MCU: variants seen among roughly 807,000 people sequenced by gnomAD.
MCU encodes mitochondrial calcium uniporter.
A neutral mutation model predicts 45.2 loss-of-function variants in MCU; 12 were observed. That is an observed-to-expected ratio of 0.27 (90% CI 0.17 to 0.43). MCU has a LOEUF of 0.43. MCU is among the 20% of genes least tolerant of loss of function. MCU has a pLI of 1.00. For missense variants in MCU, 324 were observed against 436.7 expected (o/e 0.74, Z 2.30); for synonymous variants, 160 against 165.1 (o/e 0.97, Z 0.24).
At chr10:72,733,095 T>C (rs1843197676) in intron 1 of MCU, among the ~76,000 whole-genome samples, 1 of 152,250 alleles carries the variant, frequency 6.6e-6, no homozygotes, top group Non-Finnish European at 1.5e-5. Flanking sequence ...CATTTCCTCC[T>C]TGAGTGACCT....
At chr10:72,849,220 G>A (rs770970107) in intron 2 of MCU, among the ~76,000 whole-genome samples, 2 of 149,642 alleles carry the variant, frequency 1.3e-5, no homozygotes, top group African/African-American at 2.5e-5. Context: ...GGCGCAGGTT[G>A]CCGTGAGCTG....
chr10:72,702,000 G>T (rs1842764488), intron 1 of MCU, among the ~76,000 whole-genome samples: 1 of 151,960 alleles, frequency 6.6e-6, no homozygotes, highest in Non-Finnish European at 1.5e-5. Flanking sequence ...AGCCTTTTGG[G>T]ATACTGAGAT....
At chr10:72,841,025 T>C (rs1845039888) in intron 2 of MCU, among the ~76,000 whole-genome samples, 1 of 152,206 alleles carries the variant, frequency 6.6e-6, no homozygotes, top group African/African-American at 2.4e-5. Context: ...TCAGATCCAC[T>C]TCAGGATTGT....
In MCU at chr10:72,868,764, A is replaced by G. The variant is rs747785506; in HGVS notation, c.558A>G (p.Leu186=). Reference sequence around the variant, plus strand: ...ATGTAAAGACATTGGTCCAGCAACTATACACCACACTGTGCATTGAGCAGC... The same window carrying G: ...ATGTAAAGACATTGGTCCAGCAACTGTACACCACACTGTGCATTGAGCAGC... The part of the protein sequence containing the change: ...LNDVKTLVQQ[L]YTTLCIEQHQ... The change falls in exon 5 of 8, where the codon CTA becomes CTG. Residue 186 remains leucine, a synonymous_variant. Coordinates refer to ENST00000373053, the MANE Select transcript of MCU (RefSeq NM_138357.3). 9 of 1,614,210 alleles carry G rather than the reference A, an allele frequency of 5.6e-6. No homozygotes were observed. In the South Asian group the frequency reaches 6.6e-5, roughly 12 times the overall value.
chr10:72,739,885 C>T (rs1246904170), intron 1 of MCU, among the ~76,000 whole-genome samples: 9 of 151,854 alleles, frequency 5.9e-5, no homozygotes, highest in Admixed American at 5.9e-4. Flanking sequence ...CCCTGTTTGC[C>T]AGCTGGTCTT....
intron 1 of MCU, among the ~76,000 whole-genome samples, chr10:72,751,508 C>A (rs1403031638): frequency 6.6e-6 from 1 of 151,212 alleles, no homozygotes; most frequent in Non-Finnish European, 1.5e-5. Flanking sequence ...GCATGCACCA[C>A]AATGCCTGGC....
intron 1 of MCU, among the ~76,000 whole-genome samples, chr10:72,797,670 G>T (rs569407979): frequency 2.6e-5 from 4 of 151,450 alleles, no homozygotes; most frequent in Non-Finnish European, 5.9e-5. Context: ...AAGTAGCTGG[G>T]ATTACAGGCG....
chr10:72,842,802 AT>A (rs1273373899), intron 2 of MCU, among the ~76,000 whole-genome samples: 2 of 150,970 alleles, frequency 1.3e-5, no homozygotes, highest in African/African-American at 4.8e-5. Flanking sequence ...TGCAATAATA[AT>A]TGCATTGGAA....
chr10:72,713,988 T>TGTGTGTGTGTGTG, intron 1 of MCU, among the ~76,000 whole-genome samples: 4 of 136,750 alleles, frequency 2.9e-5, no homozygotes, highest in African/African-American at 1.1e-4. Context: ...TGTGTGTGTG[T>TGTGTGTGTGTGTG]TGGAGTCTCG....
At chr10:72,885,020 A>G (rs1329046507) in intron 7 of MCU, among the ~76,000 whole-genome samples, 3 of 152,034 alleles carry the variant, frequency 2.0e-5, no homozygotes, top group Non-Finnish European at 2.9e-5. Context: ...AAGCTTTTCC[A>G]TCCTCTTTAA....
chr10:72,763,528 C>T (rs76004005), intron 1 of MCU, among the ~76,000 whole-genome samples: 1,638 of 152,120 alleles, frequency 0.011, 23 homozygotes, highest in South Asian at 0.029. Context: ...TTTAAAGAAT[C>T]ACAAATCAGT....
chr10:72,862,683 G>A (rs1353394039), intron 4 of MCU, among the ~76,000 whole-genome samples: 1 of 152,128 alleles, frequency 6.6e-6, no homozygotes, highest in African/African-American at 2.4e-5. Context: ...TTCCTAACAG[G>A]CCACTGACCA....
intron 1 of MCU, among the ~76,000 whole-genome samples, chr10:72,709,483 T>G (rs1220090676): frequency 6.6e-6 from 1 of 152,220 alleles, no homozygotes; most frequent in Non-Finnish European, 1.5e-5. Context: ...GGTTATGTCT[T>G]TCTTGATCTG....
chr10:72,817,924 T>A (rs187405942), intron 1 of MCU, among the ~76,000 whole-genome samples: 1 of 152,100 alleles, frequency 6.6e-6, no homozygotes, highest in Non-Finnish European at 1.5e-5. Flanking sequence ...CTAAGTACTT[T>A]AACAAAATCC....
At position 72,804,762 on chromosome 10, in the gene MCU, G is replaced by A. The variant is rs117911175; in HGVS notation, c.151-29597G>A. ...AAACAAAGTATGTTGCATTGTAATT[G>A]TATCCACGTCTTAGCCGATAAATTT... On this transcript the variant is annotated intron_variant, in intron 1 of 7. Coordinates refer to ENST00000373053, the MANE Select transcript of MCU (RefSeq NM_138357.3). Among the ~76,000 whole-genome samples, 915 of 152,236 alleles carry A rather than the reference G, an allele frequency of 6.0e-3. 6 individuals carry two copies. The highest frequency in any genetic ancestry group is 8.6e-3 in the Non-Finnish European group (582 of 68,012).
At chr10:72,704,929 C>G (rs1157781641) in intron 1 of MCU, among the ~76,000 whole-genome samples, 1 of 151,942 alleles carries the variant, frequency 6.6e-6, no homozygotes, top group African/African-American at 2.4e-5. Flanking sequence ...CCATGTTGGC[C>G]AGGCTGATCT....
At chr10:72,702,986 GA>G (rs111630078) in intron 1 of MCU, among the ~76,000 whole-genome samples, 149 of 80,672 alleles carry the variant, frequency 1.8e-3, no homozygotes, top group East Asian at 0.011. Context: ...CTCAAAAAAA[GA>G]AAAAAAAAAA....
In MCU at chr10:72,815,442, A is replaced by G. The variant is rs373310905; in HGVS notation, c.151-18917A>G. 2.0e-5 allele frequency among the ~76,000 whole-genome samples: 3 copies of G among 152,360 alleles called. No individual in the cohort carries two copies. In the East Asian group the frequency reaches 5.8e-4, roughly 29 times the overall value. On this transcript the variant is annotated intron_variant, in intron 1 of 7. Coordinates refer to ENST00000373053, the MANE Select transcript of MCU (RefSeq NM_138357.3). ...AGGAATAATTGATATAGAACAATTG[A>G]TATCGAGGCATATTTTGGTGAAAAT...
intron 1 of MCU, among the ~76,000 whole-genome samples, chr10:72,772,986 C>T (rs1298661138): frequency 6.6e-6 from 1 of 152,132 alleles, no homozygotes. Context: ...GTAGCCTCAA[C>T]CTCCCAGGCT....
Sources: allele counts gnomAD v4.1 joint callset (sites outside exome capture counted in the v4.1 genomes callset), GRCh38; gene constraint gnomAD v4.1.1; transcripts MANE v1.5; gene names NCBI Gene and HGNC (gene_info 2026-07-23, HGNC 2026-07-21).